The following RSPH14 variants were observed in gnomAD, a reference collection of about 807,000 sequenced individuals.
RSPH14 encodes radial spoke head 14 homolog, also known as rhabdoid tumor deletion region gene 1.
Under a neutral mutation model 26.7 loss-of-function variants are expected in RSPH14, and 20 were observed. The observed-to-expected ratio is 0.75, with a 90% confidence interval of 0.53 to 1.09. The LOEUF is 1.09. RSPH14 is among the 50% of genes least tolerant of loss of function. RSPH14 has a pLI of 0.00. For synonymous variants in RSPH14, 177 were observed against 189.3 expected (o/e 0.93, Z 0.53); for missense variants, 449 against 457.2 (o/e 0.98, Z 0.16).
chr22:23,161,097 C>G, the RSPH14 span: 2 of 1,412,294 alleles, frequency 1.4e-6, no homozygotes, highest in Non-Finnish European at 1.9e-6. Context: ...ATTTCCTGAA[C>G]TTGTGGCCCT....
chr22:23,140,359 G>C lies in RSPH14; in HGVS notation c.62C>G (p.Thr21Ser). The C allele has an allele frequency of 1.2e-6, 2 of 1,614,246 alleles. No homozygotes were observed. The highest frequency in any genetic ancestry group is 2.7e-5 in the African/African-American group (2 of 75,068). Residue 21 changes from threonine (T) to serine (S), a missense_variant, in exon 2 of 7, where the codon ACT (threonine) becomes AGT (serine). Coordinates refer to ENST00000216036, the MANE Select transcript of RSPH14 (RefSeq NM_014433.3). The stretch of plus-strand genomic sequence containing the variant: ...GGGCAGGGCCCGATGGCCATAGGCA[G>C]TGGTAATCTGGGTGGCATTGATGTT... ...PININATQIT[T>S]AYGHRALPKL...
intron 6 of RSPH14, 61 bp downstream of exon 6, chr22:23,061,748 G>A (rs1202197741): frequency 6.3e-7 from 1 of 1,595,328 alleles, no homozygotes; most frequent in African/African-American, 1.3e-5. Flanking sequence ...AGTACAGAAA[G>A]CTCATCACGG....
chr22:23,160,269 C>T, the RSPH14 span, among the ~76,000 whole-genome samples: 1 of 152,200 alleles, frequency 6.6e-6, no homozygotes, highest in Admixed American at 6.5e-5. Flanking sequence ...AACCCTTCCT[C>T]CCTTATCAGA....
At chr22:23,090,755 C>T (rs997241177) in intron 4 of RSPH14, among the ~76,000 whole-genome samples, 11 of 152,346 alleles carry the variant, frequency 7.2e-5, no homozygotes, top group African/African-American at 2.6e-4. Context: ...GTGCCACCCC[C>T]AACCCTGCCC....
At chr22:23,133,996 G>T (rs369825129) in intron 4 of RSPH14, 30 bp downstream of exon 4, 1 of 1,550,508 alleles carries the variant, frequency 6.4e-7, no homozygotes. Context: ...TTGAGTGCCC[G>T]ACAGATCTGT....
Position 23,104,628 on chromosome 22 carries a change from C to T in RSPH14, c.421+29398G>A, listed in dbSNP as rs573949218. ...AATCCAGTAACTGAAAAACAATTTT[C>T]CACTATCTAGAACAGACTCCAAGGT... On this transcript the variant is annotated intron_variant, in intron 4 of 6. Coordinates refer to ENST00000216036, the MANE Select transcript of RSPH14 (RefSeq NM_014433.3). Among the ~76,000 whole-genome samples, 3 of 152,332 alleles carry T rather than the reference C, an allele frequency of 2.0e-5. No individual in the cohort carries two copies. The South Asian group carries it at 6.2e-4, about 32-fold the overall frequency.
At chr22:23,139,300 C>A (rs749970694) in intron 2 of RSPH14, among the ~76,000 whole-genome samples, 1 of 152,240 alleles carries the variant, frequency 6.6e-6, no homozygotes, top group Non-Finnish European at 1.5e-5. Flanking sequence ...GTGGGTTACA[C>A]CTACGGATGC....
chr22:23,124,518 A>G, intron 4 of RSPH14: 1 of 337,122 alleles, frequency 3.0e-6, no homozygotes, highest in Non-Finnish European at 6.5e-6. Flanking sequence ...TTTATTTAAG[A>G]AAATAAACAC....
chr22:23,121,791 G>A (rs957001440), intron 4 of RSPH14, among the ~76,000 whole-genome samples: 36 of 149,494 alleles, frequency 2.4e-4, no homozygotes, highest in Admixed American at 4.7e-4. Context: ...GCATGATCTC[G>A]GCTCACTGCA....
the RSPH14 span, chr22:23,157,984 G>A: frequency 2.5e-6 from 4 of 1,614,056 alleles, no homozygotes; most frequent in African/African-American, 1.3e-5. Flanking sequence ...CTTTTTCCGG[G>A]TGTCTAGTGA....
the RSPH14 span, chr22:23,152,603 A>C: frequency 7.3e-7 from 1 of 1,370,020 alleles, no homozygotes; most frequent in South Asian, 1.2e-5. Flanking sequence ...TGGCCCAGAT[A>C]ATATCAACAT....
chr22:23,150,295 T>G, the RSPH14 span: 11 of 626,366 alleles, frequency 1.8e-5, no homozygotes, highest in Admixed American at 3.0e-4. Flanking sequence ...GGGGTTTTCT[T>G]TTTTTTTTCT....
At position 23,068,833 on chromosome 22, in the gene RSPH14, C is replaced by T. The variant is rs916469554; in HGVS notation, c.422-4700G>A. On this transcript the variant is annotated intron_variant, in intron 4 of 6. Coordinates refer to ENST00000216036, the MANE Select transcript of RSPH14 (RefSeq NM_014433.3). ...AGGCTCAGCCAGGTAGCACAGCTGCCGGTCTCTGTGTGGTCCTCCTGGCAA... is the reference window on the plus strand; with the variant it reads ...AGGCTCAGCCAGGTAGCACAGCTGCTGGTCTCTGTGTGGTCCTCCTGGCAA... Among the ~76,000 whole-genome samples, 16 of 152,178 alleles carry T rather than the reference C, an allele frequency of 1.1e-4. No homozygotes were observed. In the East Asian group the frequency reaches 1.9e-3, roughly 18 times the overall value.
In RSPH14 at chr22:23,140,311, G is replaced by T; in HGVS notation, c.110C>A (p.Ser37Ter). 1.2e-6 allele frequency: 2 copies of T among 1,614,184 alleles called. No homozygotes were observed. Among genetic ancestry groups the T allele is most frequent in the Non-Finnish European group, 8.5e-7 (1 of 1,180,046 alleles). Residue 37 changes from serine to a stop codon, truncating the protein, a stop_gained, in exon 2 of 7, where the codon TCA (serine) becomes TAA (stop). Coordinates refer to ENST00000216036, the MANE Select transcript of RSPH14 (RefSeq NM_014433.3). LOFTEE classifies it high-confidence loss of function. Reference protein sequence around the residue: ...ALPKLKEELQSEDLQTRQKAL... With the variant: ...ALPKLKEELQ ...TTTCTGCCTCGTCTGGAGGTCCTCT[G>T]ACTGCAGCTCCTCCTTCAGCTTGGG...
chr22:23,099,187 AAGG>A (rs1362455942), intron 4 of RSPH14, among the ~76,000 whole-genome samples: 1 of 152,208 alleles, frequency 6.6e-6, no homozygotes, highest in Non-Finnish European at 1.5e-5. Context: ...GCACGTTGCC[AAGG>A]AGAACGTCAG....
chr22:23,154,897 G>A, the RSPH14 span, among the ~76,000 whole-genome samples: 2 of 152,136 alleles, frequency 1.3e-5, no homozygotes, highest in Admixed American at 6.5e-5. Flanking sequence ...AGGCCAGGGC[G>A]GGTGGATCAC....
At chr22:23,117,713 C>A (rs572317321) in intron 4 of RSPH14, among the ~76,000 whole-genome samples, 3 of 152,366 alleles carry the variant, frequency 2.0e-5, no homozygotes, top group Non-Finnish European at 2.9e-5. Context: ...ACAGTCCCAG[C>A]ATTGTACAGA....
At chr22:23,112,162 C>T (rs912018578) in intron 4 of RSPH14, among the ~76,000 whole-genome samples, 3 of 152,184 alleles carry the variant, frequency 2.0e-5, no homozygotes, top group African/African-American at 4.8e-5. Flanking sequence ...GCCTGACCTC[C>T]GGGCCTCACT....
the RSPH14 span, among the ~76,000 whole-genome samples, chr22:23,151,857 AG>A: frequency 1.3e-5 from 2 of 152,210 alleles, no homozygotes; most frequent in South Asian, 4.1e-4. Context: ...CTCAAGCCAC[AG>A]CCCGGATGCA....
Sources: allele counts gnomAD v4.1 joint callset (sites outside exome capture counted in the v4.1 genomes callset), GRCh38; gene constraint gnomAD v4.1.1; transcripts MANE v1.5; gene names NCBI Gene and HGNC (gene_info 2026-07-23, HGNC 2026-07-21).